ZGRF1: variants seen among roughly 807,000 people sequenced by gnomAD.
The protein encoded by ZGRF1 is zinc finger GRF-type containing 1.
A neutral mutation model predicts 203.5 loss-of-function variants in ZGRF1; 196 were observed. That is an observed-to-expected ratio of 0.96 (90% confidence interval 0.86 to 1.08). The LOEUF is 1.08. ZGRF1 is among the 50% of genes least tolerant of loss of function. The pLI is 0.00. For missense variants in ZGRF1, 2,326 were observed against 2,416.3 expected (o/e 0.96, Z 0.78); for synonymous variants, 809 against 841.3 (o/e 0.96, Z 0.66).
At chr4:112,584,556 A>C (rs1260468589) in intron 14 of ZGRF1, among the ~76,000 whole-genome samples, 1 of 152,180 alleles carries the variant, frequency 6.6e-6, no homozygotes, top group African/African-American at 2.4e-5. Flanking sequence ...AACACATGTA[A>C]ATTTTTTTTA....
Position 112,553,857 on chromosome 4 carries a change from G to T in ZGRF1, c.5324C>A (p.Thr1775Asn). The change falls in exon 22 of 28, where the codon ACC (threonine) becomes AAC (asparagine). Residue 1775 changes from threonine (T) to asparagine (N), a missense_variant. Coordinates refer to ENST00000505019, the MANE Select transcript of ZGRF1 (RefSeq NM_018392.5). The part of the protein sequence containing the change: ...RKSIEQHKLG[T>N]NRTLLKQVRV... ...TACCTGCTTCAGCAGGGTTCTATTG[G>T]TCCCCAGTTTATGCTGCTCAATGCT... The T allele has an allele frequency of 6.2e-7, 1 of 1,611,552 alleles. No homozygotes were observed. Among genetic ancestry groups the T allele is most frequent in the Non-Finnish European group, 8.5e-7 (1 of 1,179,340 alleles).
intron 16 of ZGRF1, 31 bp from the exon 17 acceptor site, chr4:112,563,305 C>G (rs1159046557): frequency 1.4e-6 from 2 of 1,476,432 alleles, no homozygotes; most frequent in Non-Finnish European, 1.8e-6. Flanking sequence ...AAATATTACA[C>G]AGACATATAC....
chr4:112,635,374 G>T (rs1345044520), intron 1 of ZGRF1, among the ~76,000 whole-genome samples: 1 of 151,866 alleles, frequency 6.6e-6, no homozygotes, highest in South Asian at 2.1e-4. Context: ...CCATATGCTA[G>T]AAACTGTTAA....
intron 2 of ZGRF1, among the ~76,000 whole-genome samples, chr4:112,632,513 C>A (rs902843507): frequency 6.6e-6 from 1 of 152,118 alleles, no homozygotes; most frequent in Non-Finnish European, 1.5e-5. Context: ...ATCCTCACTC[C>A]TTCAGGGGTG....
rs1206692459 is a variant in ZGRF1 at position 112,547,359 on chromosome 4, G to A, written c.5524C>T (p.Pro1842Ser). The A allele has an allele frequency of 1.2e-6, 2 of 1,613,206 alleles. No homozygotes were observed. Among genetic ancestry groups the A allele is most frequent in the Non-Finnish European group, 1.7e-6 (2 of 1,179,586 alleles). The change falls in exon 24 of 28, where the codon CCT becomes TCT. Residue 1842 changes from proline (P) to serine (S), a missense_variant. Pro to Ser is a moderately conservative substitution (Grantham distance 74). Coordinates refer to ENST00000505019, the MANE Select transcript of ZGRF1 (RefSeq NM_018392.5). ...ILVGDPKQLP[P>S]TIQGSDAAHE... ...GCTGCATCAGAACCCTGAATAGTAG[G>A]AGGTAGCTGTTTGGGATCCCCAACA...
chr4:112,554,183 C>G (rs1013310630), intron 21 of ZGRF1, among the ~76,000 whole-genome samples: 2 of 149,264 alleles, frequency 1.3e-5, no homozygotes, highest in Non-Finnish European at 3.0e-5. Flanking sequence ...AGGTATATCT[C>G]CTAATGCTAT....
chr4:112,572,885 C>A (rs1744439714), intron 16 of ZGRF1, among the ~76,000 whole-genome samples: 1 of 152,010 alleles, frequency 6.6e-6, no homozygotes, highest in South Asian at 2.1e-4. Flanking sequence ...TGGCCATAAT[C>A]AAAAAATCAA....
chr4:112,542,897 C>A (rs1177230758), intron 24 of ZGRF1, among the ~76,000 whole-genome samples: 1 of 151,806 alleles, frequency 6.6e-6, no homozygotes, highest in African/African-American at 2.4e-5. Flanking sequence ...GATCATAACT[C>A]ACTGCAGCCT....
intron 9 of ZGRF1, 48 bp from the exon 10 acceptor site, chr4:112,603,745 A>G (rs1750337129): frequency 1.4e-6 from 2 of 1,395,728 alleles, no homozygotes; most frequent in Non-Finnish European, 2.0e-6. Flanking sequence ...ATATGTTGAC[A>G]TATATATTCA....
At chr4:112,591,720 C>G (rs567362925) in intron 10 of ZGRF1, among the ~76,000 whole-genome samples, 2 of 152,122 alleles carry the variant, frequency 1.3e-5, no homozygotes, top group African/African-American at 4.8e-5. Flanking sequence ...TATCTGCATG[C>G]CTTTCTCCCT....
chr4:112,542,219 G>T (rs569288708), intron 24 of ZGRF1, among the ~76,000 whole-genome samples: 3 of 152,272 alleles, frequency 2.0e-5, no homozygotes, highest in African/African-American at 7.2e-5. Context: ...GCAGGCACCT[G>T]TAATCCCAGC....
At chr4:112,592,190 CAAG>C (rs1560821574) in intron 10 of ZGRF1, among the ~76,000 whole-genome samples, 1 of 151,492 alleles carries the variant, frequency 6.6e-6, no homozygotes, top group Non-Finnish European at 1.5e-5. Context: ...CTCTAACTCC[CAAG>C]TACAAGCAAT....
intron 2 of ZGRF1, 117 bp from the exon 3 acceptor site, chr4:112,632,127 C>T (rs2047431502): frequency 4.9e-6 from 2 of 404,218 alleles, no homozygotes; most frequent in African/African-American, 2.1e-5. Context: ...CAAAAAAAGG[C>T]ACATACACCC....
chr4:112,614,283 G>A (rs2046789818), intron 6 of ZGRF1, among the ~76,000 whole-genome samples: 1 of 152,048 alleles, frequency 6.6e-6, no homozygotes, highest in Non-Finnish European at 1.5e-5. Flanking sequence ...AAATTTAGTC[G>A]ATCATTACTC....
At chr4:112,617,368 G>A in intron 6 of ZGRF1, 72 bp downstream of exon 6, 1 of 1,112,950 alleles carries the variant, frequency 9.0e-7, no homozygotes, top group Non-Finnish European at 1.3e-6. Context: ...ATCACCCAGA[G>A]CTAATATCTT....
intron 9 of ZGRF1, 82 bp from the exon 10 acceptor site, chr4:112,603,779 T>C (rs1315063141): frequency 5.9e-6 from 6 of 1,018,912 alleles, no homozygotes; most frequent in African/African-American, 4.8e-5. Flanking sequence ...CAGAATACAA[T>C]ACATAATTCA....
At position 112,618,911 on chromosome 4, in the gene ZGRF1, C is replaced by A. The variant is rs762121190; in HGVS notation, c.1131G>T (p.Thr377=). 5 of 1,613,728 alleles carry A rather than the reference C, an allele frequency of 3.1e-6. No individual in the cohort carries two copies. The highest frequency in any genetic ancestry group is 4.2e-6 in the Non-Finnish European group (5 of 1,179,876). The change falls in exon 6 of 28, where the codon ACG becomes ACT. Residue 377 remains threonine (T), a synonymous_variant. Coordinates refer to ENST00000505019, the MANE Select transcript of ZGRF1 (RefSeq NM_018392.5). The stretch of plus-strand genomic sequence containing the variant: ...TATACTTTTTCCTCTCTTCAGCATA[C>A]GTTTCAACGAACTGTATAATTTTTT... ...SLQKIIQFVE[T]YAEERKKYNV...
intron 8 of ZGRF1, among the ~76,000 whole-genome samples, chr4:112,608,560 C>T (rs1022398524): frequency 1.3e-5 from 2 of 151,862 alleles, no homozygotes; most frequent in Non-Finnish European, 2.9e-5. Flanking sequence ...GCGGAGGTTG[C>T]GGTGAGCCGA....
At position 112,541,222 on chromosome 4, in the gene ZGRF1, G is replaced by A; in HGVS notation, c.5645C>T (p.Ala1882Val). Residue 1882 changes from alanine to valine, a missense_variant, in exon 25 of 28, where the codon GCA becomes GTA. By Grantham distance (64) the Ala-to-Val change is moderately conservative. Coordinates refer to ENST00000505019, the MANE Select transcript of ZGRF1 (RefSeq NM_018392.5). Reference protein sequence around the residue: ...LLRTQYRCHPAISAIANDLFY... With the variant: ...LLRTQYRCHPVISAIANDLFY... ...CAGATCATTAGCAATAGCACTGATT[G>A]CAGGATGACAACGGTATTGAGTTCT... is the stretch of plus-strand genomic sequence containing the variant. 1 of 1,608,694 alleles carries A rather than the reference G, an allele frequency of 6.2e-7. No individual in the cohort carries two copies. Among genetic ancestry groups the A allele is most frequent in the Non-Finnish European group, 8.5e-7 (1 of 1,176,372 alleles).
Sources: allele counts gnomAD v4.1 joint callset (sites outside exome capture counted in the v4.1 genomes callset), GRCh38; gene constraint gnomAD v4.1.1; transcripts MANE v1.5; gene names NCBI Gene and HGNC (gene_info 2026-07-23, HGNC 2026-07-21).